Variants in VWA2 observed in about 807,000 individuals in gnomAD.
VWA2 encodes the protein von Willebrand factor A domain containing 2, also known as von Willebrand factor A domain-containing protein 2.
A neutral mutation model predicts 70.4 loss-of-function variants in VWA2; 73 were observed. The observed-to-expected ratio is 1.04, with a 90% CI of 0.86 to 1.26. VWA2 has a LOEUF of 1.26. Ranked by LOEUF, VWA2 falls within the 50% of genes most tolerant of loss-of-function variation. The pLI is 0.00. For missense variants in VWA2, 1,011 were observed against 998.5 expected (o/e 1.01, Z -0.17); for synonymous variants, 407 against 423.3 (o/e 0.96, Z 0.47).
rs185023004 is a variant in VWA2, at chr10:114,255,291, G to A, written c.261+243G>A. ...TTTGGTTGACTTCCTTCTCAGGCAGGTTTTCCTGACACAGCCAAGTTGTCC... is the reference window on the plus strand; with the variant it reads ...TTTGGTTGACTTCCTTCTCAGGCAGATTTTCCTGACACAGCCAAGTTGTCC... On this transcript the variant is annotated intron_variant, in intron 4 of 13. Coordinates refer to ENST00000392982, the MANE Select transcript of VWA2 (RefSeq NM_001272046.2). Among the ~76,000 whole-genome samples, 346 of 151,618 alleles carry A rather than the reference G, an allele frequency of 2.3e-3. 1 individual carries two copies. The highest frequency in any genetic ancestry group is 7.9e-3 in the African/African-American group (328 of 41,272).
rs751190478 is a variant in VWA2 at position 114,289,487 on chromosome 10, G to T, written c.2120G>T (p.Gly707Val). The T allele has an allele frequency of 6.2e-7, 1 of 1,614,128 alleles. No homozygotes were observed. The highest frequency in any genetic ancestry group is 8.5e-7 in the Non-Finnish European group (1 of 1,180,012). Residue 707 changes from glycine (G) to valine (V), a missense_variant and splice_region_variant, in exon 12 of 14, where the codon GGA (glycine) becomes GTA (valine). Coordinates refer to ENST00000392982, the MANE Select transcript of VWA2 (RefSeq NM_001272046.2). ...HQDVLIEWLC[G>V]EAKQPVNLCK... ...GACGTGCTCATTGAGTGGCTGTGTG[G>T]AGGTGAGTGGGGGAATCCACACCCT...
At chr10:114,239,699 G>A (rs1402122750) in intron 1 of VWA2, 130 bp downstream of exon 1, 1 of 152,282 alleles carries the variant, frequency 6.6e-6, no homozygotes, top group African/African-American at 2.4e-5. Flanking sequence ...CCCGGGCTGC[G>A]CGGCCCCGCC....
intron 3 of VWA2, among the ~76,000 whole-genome samples, chr10:114,254,167 G>A (rs1323362916): frequency 1.3e-5 from 2 of 151,630 alleles, no homozygotes; most frequent in African/African-American, 2.4e-5. Flanking sequence ...AACCTCCTGG[G>A]CTCAAGCAAT....
chr10:114,245,884 GT>G (rs1019964015), intron 1 of VWA2, among the ~76,000 whole-genome samples: 6 of 152,190 alleles, frequency 3.9e-5, no homozygotes, highest in African/African-American at 1.2e-4. Context: ...ATAATAGTTT[GT>G]TTTAGGACTG....
At position 114,287,737 on chromosome 10, in the gene VWA2, A is replaced by G. The variant is rs182045587; in HGVS notation, c.1571-1201A>G. 6.6e-5 allele frequency among the ~76,000 whole-genome samples: 10 copies of G among 152,296 alleles called. No individual in the cohort carries two copies. The East Asian group carries it at 1.9e-3, about 29-fold the overall frequency. On this transcript the variant is annotated intron_variant, in intron 11 of 13. Transcript: ENST00000392982. Reference sequence around the variant, plus strand: ...AGATTTATAGGAAAAAATAATTGACAATAGTGGAGAGTTCCCTATACCCCA... The same window carrying G: ...AGATTTATAGGAAAAAATAATTGACGATAGTGGAGAGTTCCCTATACCCCA...
chr10:114,256,640 G>A (rs939361023), intron 4 of VWA2, among the ~76,000 whole-genome samples: 1 of 152,184 alleles, frequency 6.6e-6, no homozygotes, highest in Non-Finnish European at 1.5e-5. Flanking sequence ...GCTGTGCGCG[G>A]TGGGTCACGC....
intron 8 of VWA2, among the ~76,000 whole-genome samples, chr10:114,282,110 A>G (rs1193559820): frequency 6.8e-6 from 1 of 147,276 alleles, no homozygotes; most frequent in Non-Finnish European, 1.5e-5. Context: ...CCTGGGTTCA[A>G]GCATTTCTGC....
chr10:114,280,119 T>A (rs2037996149), intron 8 of VWA2, among the ~76,000 whole-genome samples: 1 of 152,230 alleles, frequency 6.6e-6, no homozygotes, highest in Admixed American at 6.5e-5. Flanking sequence ...TAATCATACC[T>A]GCCCTACAGG....
intron 9 of VWA2, among the ~76,000 whole-genome samples, chr10:114,283,362 TAGA>T: frequency 6.6e-6 from 1 of 151,508 alleles, no homozygotes; most frequent in African/African-American, 2.4e-5. Context: ...AGCGAGCAGT[TAGA>T]CACACAGGCA....
Position 114,286,326 on chromosome 10 carries a change from C to T in VWA2, c.1385C>T (p.Ala462Val), listed in dbSNP as rs200547974. ...GAGTCACACTCCGAGGATGAGGTTG[C>T]GGGCCCAGCGCGTCACGCAAGGGCG... ...LTESHSEDEVAGPARHARARE... is the reference protein window; with the variant it reads ...LTESHSEDEVVGPARHARARE... Residue 462 changes from alanine (A) to valine (V), a missense_variant, in exon 11 of 14, where the codon GCG (alanine) becomes GTG (valine). Ala to Val is a moderately conservative substitution (Grantham distance 64). Coordinates refer to ENST00000392982, the MANE Select transcript of VWA2 (RefSeq NM_001272046.2). The T allele has an allele frequency of 1.2e-5, 19 of 1,612,152 alleles. No homozygotes were observed. Among genetic ancestry groups the T allele is most frequent in the Middle Eastern group, 1.7e-4 (1 of 6,050 alleles).
At chr10:114,260,333 C>T (rs187589157) in intron 4 of VWA2, among the ~76,000 whole-genome samples, 1 of 152,296 alleles carries the variant, frequency 6.6e-6, no homozygotes, top group East Asian at 1.9e-4. Context: ...GACACAAAAT[C>T]TATGTGGATT....
At chr10:114,287,088 C>G (rs1318306631) in intron 11 of VWA2, among the ~76,000 whole-genome samples, 2 of 152,226 alleles carry the variant, frequency 1.3e-5, no homozygotes, top group Non-Finnish European at 2.9e-5. Flanking sequence ...AGCCATGAAG[C>G]TGATTTTTTA....
rs778001151 is a variant in VWA2 at position 114,286,480 on chromosome 10, G to T, written c.1539G>T (p.Leu513=). 8 of 1,590,152 alleles carry T rather than the reference G, an allele frequency of 5.0e-6. No homozygotes were observed. Among genetic ancestry groups the T allele is most frequent in the South Asian group, 3.4e-5 (3 of 89,246 alleles). The change falls in exon 11 of 14, where the codon CTG becomes CTT. Residue 513 remains leucine, a synonymous_variant. Coordinates refer to ENST00000392982, the MANE Select transcript of VWA2 (RefSeq NM_001272046.2). ...ATCTGTTCAACCAAATCCCTGAGCT[G>T]CAGGGGAAGCTGTGCAGCCGGCAGC... ...PQDLFNQIPE[L]QGKLCSRQRP...
chr10:114,289,670 T>C (rs2039357879), intron 12 of VWA2, 181 bp downstream of exon 12: 2 of 653,264 alleles, frequency 3.1e-6, no homozygotes, highest in African/African-American at 1.8e-5. Flanking sequence ...ATAACCATCC[T>C]ATTTGACATT....
At chr10:114,239,798 C>T (rs1411682154) in intron 1 of VWA2, among the ~76,000 whole-genome samples, 1 of 152,180 alleles carries the variant, frequency 6.6e-6, no homozygotes, top group Non-Finnish European at 1.5e-5. Flanking sequence ...GCACCTGGCG[C>T]GCGCCTCCCT....
chr10:114,286,077 G>GA lies in VWA2; in HGVS notation c.1136_1137insA (p.Ala380GlyfsTer26). On this transcript the variant is annotated frameshift_variant, in exon 11 of 14. Coordinates refer to ENST00000392982, the MANE Select transcript of VWA2 (RefSeq NM_001272046.2). LOFTEE classifies it high-confidence loss of function. ...CGGGCCGTGCTGAGCGAGGACTCTCGGGCCCGAGTGGGTGTGGCCACATAC... is the reference window on the plus strand; with the variant it reads ...CGGGCCGTGCTGAGCGAGGACTCTCGAGGCCCGAGTGGGTGTGGCCACATAC... The GA allele has an allele frequency of 6.2e-7, 1 of 1,614,124 alleles. No homozygotes were observed. The highest frequency in any genetic ancestry group is 8.5e-7 in the Non-Finnish European group (1 of 1,180,032).
intron 5 of VWA2, among the ~76,000 whole-genome samples, chr10:114,262,248 A>G (rs77625645): frequency 0.061 from 9,213 of 151,546 alleles, 317 homozygotes; most frequent in Non-Finnish European, 0.079. Flanking sequence ...ACATCTGAAT[A>G]TGATATGTGT....
rs139266371 is a variant in VWA2 at position 114,263,574 on chromosome 10, T to A, written c.371+2279T>A. On this transcript the variant is annotated intron_variant, in intron 5 of 13. Coordinates refer to ENST00000392982, the MANE Select transcript of VWA2 (RefSeq NM_001272046.2). Reference sequence around the variant, plus strand: ...GGATGGTCTTGATCTCCTGACCTTGTGATCTGCCCGCCTTGGCTTCCCAGA... The same window carrying A: ...GGATGGTCTTGATCTCCTGACCTTGAGATCTGCCCGCCTTGGCTTCCCAGA... Among the ~76,000 whole-genome samples the A allele has an allele frequency of 4.7e-3, 706 of 150,828 alleles. 6 individuals carry two copies. Among genetic ancestry groups the A allele is most frequent in the African/African-American group, 0.016 (674 of 41,022 alleles).
intron 10 of VWA2, 76 bp downstream of exon 10, chr10:114,285,046 C>T (rs1380776099): frequency 4.1e-6 from 5 of 1,209,222 alleles, no homozygotes; most frequent in Non-Finnish European, 5.6e-6. Context: ...CATTGCACGC[C>T]CTTCCAGCTG....
Sources: gnomAD v4.1 joint callset for allele counts (sites outside exome capture counted in the v4.1 genomes callset) on GRCh38, gnomAD v4.1.1 for gene constraint, MANE v1.5 for transcripts, NCBI Gene and HGNC (gene_info 2026-07-23, HGNC 2026-07-21) for gene names.